Variants in EDC3 observed in about 807,000 individuals in gnomAD.
The protein encoded by EDC3 is enhancer of mRNA-decapping protein 3.
In EDC3, 20 loss-of-function variants were observed where a neutral mutation model predicts 41.8. That is an observed-to-expected ratio of 0.48 (90% CI 0.34 to 0.70). The LOEUF is 0.70. EDC3 is among the 30% of genes least tolerant of loss of function. The pLI is 0.01. For synonymous variants in EDC3, 206 were observed against 243.2 expected, an observed-to-expected ratio of 0.85 and a Z score of 1.42; for missense variants, 444 against 636.8, an observed-to-expected ratio of 0.70 and a Z score of 3.26.
intron 1 of EDC3, among the ~76,000 whole-genome samples, chr15:74,685,083 A>G (rs1339421818): frequency 6.6e-6 from 1 of 151,828 alleles, no homozygotes; most frequent in Non-Finnish European, 1.5e-5. Flanking sequence ...CACTATATGA[A>G]TTATCTTGTT....
At chr15:74,641,971 C>T (rs1289427554) in intron 4 of EDC3, 1 of 152,270 alleles carries the variant, frequency 6.6e-6, no homozygotes, top group Non-Finnish European at 1.5e-5. Context: ...TTATCTCCTT[C>T]CATTGTTCCA....
At chr15:74,638,718 A>G (rs2062307252) in intron 5 of EDC3, 1 of 151,900 alleles carries the variant, frequency 6.6e-6, no homozygotes, top group Non-Finnish European at 1.5e-5. Flanking sequence ...AAAACCCACC[A>G]TCTCTCCCAA....
At chr15:74,676,370 A>G (rs1204653390) in intron 1 of EDC3, among the ~76,000 whole-genome samples, 1 of 152,210 alleles carries the variant, frequency 6.6e-6, no homozygotes, top group Non-Finnish European at 1.5e-5. Context: ...ACCTGATGTT[A>G]ATAGAAAGGA....
chr15:74,655,859 G>T lies in EDC3; in HGVS notation c.694C>A (p.Arg232Ser), dbSNP rs189497300. 1 of 1,614,070 alleles carries T rather than the reference G, an allele frequency of 6.2e-7. No individual in the cohort carries two copies. The highest frequency in any genetic ancestry group is 1.7e-5 in the Admixed American group (1 of 60,000). The change falls in exon 4 of 7, where the codon CGT (arginine) becomes AGT (serine). Residue 232 changes from arginine to serine, a missense_variant. Arg to Ser is a moderately radical substitution (Grantham distance 110). Transcript: ENST00000315127. ...CTTTCATTTGGGATGCCCCGGGAAC[G>T]GGTACCACTTCTCCTTTCATAGGTA... is the stretch of plus-strand genomic sequence containing the variant. ...IDTYERRSGT[R>S]SRGIPNERPT... is the part of the protein sequence containing the mutation.
chr15:74,660,480 T>C (rs769053863), intron 3 of EDC3, among the ~76,000 whole-genome samples: 2 of 150,944 alleles, frequency 1.3e-5, no homozygotes, highest in East Asian at 3.9e-4. Context: ...TATATAATGA[T>C]ATTTATATAT....
intron 4 of EDC3, among the ~76,000 whole-genome samples, chr15:74,647,873 G>T (rs1320435228): frequency 6.6e-6 from 1 of 152,224 alleles, no homozygotes; most frequent in South Asian, 2.1e-4. Context: ...TTTATCCAGT[G>T]CAGGTGTTCT....
At chr15:74,679,088 T>G (rs917370775) in intron 1 of EDC3, among the ~76,000 whole-genome samples, 32 of 151,590 alleles carry the variant, frequency 2.1e-4, no homozygotes, top group Admixed American at 2.0e-3. Context: ...TCCCAGCTAC[T>G]CGAGAGGCAG....
chr15:74,638,887 AAACAACAACAAC>A (rs546760776), intron 5 of EDC3: 4 of 151,128 alleles, frequency 2.6e-5, no homozygotes, highest in South Asian at 2.1e-4. Flanking sequence ...TTTACCTTAA[AAACAACAACAAC>A]AACAACAACA....
intron 1 of EDC3, among the ~76,000 whole-genome samples, chr15:74,682,480 T>C (rs1263576648): frequency 1.3e-5 from 2 of 151,368 alleles, no homozygotes; most frequent in Non-Finnish European, 2.9e-5. Flanking sequence ...TAGCCGGGCA[T>C]GGTGGTGGGC....
chr15:74,685,315 A>C (rs1007683305), intron 1 of EDC3, among the ~76,000 whole-genome samples: 2 of 152,120 alleles, frequency 1.3e-5, no homozygotes, highest in African/African-American at 4.8e-5. Flanking sequence ...AGACAGGAGG[A>C]CCACTTGAGC....
At chr15:74,659,813 G>A (rs887078368) in intron 3 of EDC3, among the ~76,000 whole-genome samples, 1 of 152,254 alleles carries the variant, frequency 6.6e-6, no homozygotes, top group Non-Finnish European at 1.5e-5. Flanking sequence ...TTGGGAGGCT[G>A]AGGTGGGCGG....
At chr15:74,662,433 A>T (rs189250996) in intron 3 of EDC3, among the ~76,000 whole-genome samples, 1,960 of 145,446 alleles carry the variant, frequency 0.013, 30 homozygotes, top group African/African-American at 0.037. Context: ...ATATATATAT[A>T]TATTTTTTTT....
At chr15:74,648,387 A>G (rs899014209) in intron 4 of EDC3, among the ~76,000 whole-genome samples, 1 of 152,178 alleles carries the variant, frequency 6.6e-6, no homozygotes, top group Non-Finnish European at 1.5e-5. Flanking sequence ...TGTGAAAGAG[A>G]CAACTGCTAG....
At chr15:74,652,553 G>T (rs1012708638) in intron 4 of EDC3, among the ~76,000 whole-genome samples, 13 of 148,716 alleles carry the variant, frequency 8.7e-5, no homozygotes, top group African/African-American at 2.7e-4. Context: ...TTCACATTTA[G>T]AAGAGAAAAG....
At chr15:74,633,001 G>A in intron 6 of EDC3, 55 bp from the exon 7 acceptor site, 1 of 1,568,946 alleles carries the variant, frequency 6.4e-7, no homozygotes, top group Non-Finnish European at 8.7e-7. Flanking sequence ...AGCAGCCCAG[G>A]CTGGGACTAG....
chr15:74,633,221 G>A (rs2062234366), intron 6 of EDC3, among the ~76,000 whole-genome samples: 1 of 152,248 alleles, frequency 6.6e-6, no homozygotes, highest in African/African-American at 2.4e-5. Context: ...TGAGTGTGCA[G>A]AGCTTCTCAG....
intron 1 of EDC3, among the ~76,000 whole-genome samples, chr15:74,688,366 G>A (rs78694167): frequency 0.023 from 3,548 of 152,254 alleles, 141 homozygotes; most frequent in African/African-American, 0.081. Context: ...AACATATACA[G>A]TAAGTCAGTC....
At chr15:74,672,772 A>G (rs1183356226) in intron 2 of EDC3, among the ~76,000 whole-genome samples, 1 of 151,668 alleles carries the variant, frequency 6.6e-6, no homozygotes, top group East Asian at 1.9e-4. Flanking sequence ...CAGAGATCGC[A>G]CCACTGCACT....
intron 1 of EDC3, among the ~76,000 whole-genome samples, chr15:74,694,167 T>C (rs1179183689): frequency 6.6e-6 from 1 of 152,212 alleles, no homozygotes; most frequent in Non-Finnish European, 1.5e-5. Flanking sequence ...TCTTCCATTT[T>C]GTATTAATTA....
Sources: allele counts gnomAD v4.1 joint callset (sites outside exome capture counted in the v4.1 genomes callset), GRCh38; gene constraint gnomAD v4.1.1; transcripts MANE v1.5; gene names NCBI Gene and HGNC (gene_info 2026-07-23, HGNC 2026-07-21).